The following RGS9 variants were observed in gnomAD, a reference collection of about 807,000 sequenced individuals.
RGS9 encodes regulator of G protein signaling 9, also known as regulator of G-protein signalling 9.
A neutral mutation model predicts 102.0 loss-of-function variants in RGS9; 78 were observed. The ratio of observed to expected loss-of-function variants is 0.76; its 90% CI spans 0.64 to 0.92. The LOEUF (loss-of-function observed/expected upper bound fraction) is 0.92, where lower values mean the gene tolerates loss of function less well. Among genes scored for constraint, RGS9 ranks in the 40% least tolerant of loss-of-function variants. The pLI is 0.00. For synonymous variants in RGS9, 353 were observed against 318.6 expected (o/e 1.11, Z -1.15); for missense variants, 833 against 866.1 (o/e 0.96, Z 0.48).
At chr17:65,198,380 C>T (rs896281836) in intron 13 of RGS9, among the ~76,000 whole-genome samples, 9 of 152,124 alleles carry the variant, frequency 5.9e-5, no homozygotes, top group Non-Finnish European at 1.3e-4. Flanking sequence ...CTCAGCCTCC[C>T]AAGTAGCTGG....
chr17:65,177,430 G>A (rs1312772007), intron 8 of RGS9, among the ~76,000 whole-genome samples: 3 of 151,684 alleles, frequency 2.0e-5, no homozygotes, highest in Non-Finnish European at 2.9e-5. Context: ...TATGGTGCTG[G>A]GGATGCCAAC....
At chr17:65,220,085 C>G (rs1913652439) in intron 17 of RGS9, among the ~76,000 whole-genome samples, 1 of 152,142 alleles carries the variant, frequency 6.6e-6, no homozygotes, top group Non-Finnish European at 1.5e-5. Flanking sequence ...TCCTCACCAT[C>G]ACCATCACCA....
chr17:65,200,410 T>C (rs1730789000), intron 13 of RGS9, among the ~76,000 whole-genome samples: 2 of 152,234 alleles, frequency 1.3e-5, no homozygotes, highest in South Asian at 2.1e-4. Flanking sequence ...CTTTTATCGA[T>C]GGACATCTGA....
At position 65,207,932 on chromosome 17, in the gene RGS9, C is replaced by T; in HGVS notation, c.1214C>T (p.Ala405Val). Residue 405 changes from alanine (A) to valine (V), a missense_variant, in exon 16 of 19, where the codon GCT becomes GTT. Physicochemically the swap from Ala to Val is moderately conservative, Grantham distance 64. Around this residue, in one of 3 missense-constraint regions of RGS9, gnomAD observed 185 missense variants for 248.7 expected, o/e 0.74. Transcript: ENST00000262406. ...TCTTGTTCCCACTAGGATTCTTATG[C>T]TCGCTATTTAAAATCTCCGATCTAT... ...IYMLMKKDSY[A>V]RYLKSPIYKD... 6.2e-7 allele frequency: 1 copy of T among 1,611,224 alleles called. No individual in the cohort carries two copies. The highest frequency in any genetic ancestry group is 2.2e-5 in the East Asian group (1 of 44,874).
intron 11 of RGS9, 58 bp from the exon 12 acceptor site, chr17:65,193,484 AT>A (rs1441617417): frequency 1.6e-5 from 16 of 1,026,862 alleles, no homozygotes; most frequent in Non-Finnish European, 2.5e-5. Flanking sequence ...TGACCTGTGT[AT>A]TGATGTCATA....
chr17:65,208,435 G>A (rs1332364171), intron 16 of RGS9, among the ~76,000 whole-genome samples: 1 of 152,148 alleles, frequency 6.6e-6, no homozygotes, highest in Non-Finnish European at 1.5e-5. Flanking sequence ...CTCAGTGAAG[G>A]GGAAACGGAC....
chr17:65,147,385 T>C (rs1360631840), intron 1 of RGS9, among the ~76,000 whole-genome samples: 1 of 151,890 alleles, frequency 6.6e-6, no homozygotes, highest in African/African-American at 2.4e-5. Context: ...AAATGCTGGT[T>C]TAGCAATAAA....
intron 17 of RGS9, among the ~76,000 whole-genome samples, chr17:65,223,957 A>G (rs1055361109): frequency 6.7e-6 from 1 of 149,706 alleles, no homozygotes; most frequent in Non-Finnish European, 1.5e-5. Context: ...GGGTTTCTTC[A>G]TGTTGGCCAG....
At chr17:65,167,457 C>T (rs1309953464) in intron 7 of RGS9, among the ~76,000 whole-genome samples, 1 of 152,122 alleles carries the variant, frequency 6.6e-6, no homozygotes, top group African/African-American at 2.4e-5. Flanking sequence ...CCACCTCAGC[C>T]TCCCAAAGTG....
Position 65,225,025 on chromosome 17 carries a change from C to T in RGS9, c.1431C>T (p.Ser477=), listed in dbSNP as rs1237087930. Residue 477 remains serine (S), a synonymous_variant, in exon 18 of 19, where the codon AGC becomes AGT. Coordinates refer to ENST00000262406, the MANE Select transcript of RGS9 (RefSeq NM_003835.4). ...ITQPGQHMAP[S]PHLTVYTGTC... ...AGCCGGGCCAGCACATGGCTCCCAG[C>T]CCCCATCTGACCGTGTACACCGGGA... 3.1e-6 allele frequency: 5 copies of T among 1,613,934 alleles called. No homozygotes were observed. Among genetic ancestry groups the T allele is most frequent in the East Asian group, 2.2e-5 (1 of 44,874 alleles).
chr17:65,137,546 A>G lies in RGS9; in HGVS notation c.6A>G (p.Thr2=). The G allele has an allele frequency of 6.2e-7, 1 of 1,612,332 alleles. No individual in the cohort carries two copies. The highest frequency in any genetic ancestry group is 8.5e-7 in the Non-Finnish European group (1 of 1,179,980). Residue 2 remains threonine, a synonymous_variant, in exon 1 of 19, where the codon ACA becomes ACG. Coordinates refer to ENST00000262406, the MANE Select transcript of RGS9 (RefSeq NM_003835.4). ...GAATCCATCCAGGGGCCAGGATGAC[A>G]ATCCGACACCAAGGCCAGCAGTACA... M[T]IRHQGQQYRP...
At chr17:65,137,655 G>A in intron 1 of RGS9, 58 bp downstream of exon 1, 1 of 1,568,926 alleles carries the variant, frequency 6.4e-7, no homozygotes. Context: ...CATCTGCGAA[G>A]CGTCCGAGGA....
chr17:65,210,357 T>G, intron 16 of RGS9, 131 bp from the exon 17 acceptor site: 1 of 1,151,982 alleles, frequency 8.7e-7, no homozygotes, highest in Non-Finnish European at 1.3e-6. Context: ...CACTGGAGGT[T>G]CACTGGAAAA....
intron 1 of RGS9, among the ~76,000 whole-genome samples, chr17:65,139,110 CCACCCCACCT>C (rs1910046343): frequency 1.2e-4 from 1 of 8,246 alleles, no homozygotes; most frequent in Non-Finnish European, 2.2e-3. Context: ...TCTCCCCCCT[CCACCCCACCT>C]TTCCCTCCTC....
At chr17:65,202,185 G>T in intron 14 of RGS9, 105 bp downstream of exon 14, 1 of 774,800 alleles carries the variant, frequency 1.3e-6, no homozygotes, top group Admixed American at 1.9e-5. Context: ...CCTGGTAGCT[G>T]GCTGGGCCCT....
chr17:65,193,789 A>G (rs936702388), intron 12 of RGS9, 133 bp downstream of exon 12: 6 of 671,274 alleles, frequency 8.9e-6, no homozygotes, highest in African/African-American at 1.8e-5. Flanking sequence ...ATCAATTTTA[A>G]AACATGTTCA....
chr17:65,222,195 G>A (rs372704337), intron 17 of RGS9, among the ~76,000 whole-genome samples: 2 of 152,152 alleles, frequency 1.3e-5, no homozygotes, highest in South Asian at 2.1e-4. Context: ...TCCTTGAGAT[G>A]TGCCCCCTCC....
At chr17:65,138,307 G>A (rs1909990131) in intron 1 of RGS9, among the ~76,000 whole-genome samples, 1 of 152,122 alleles carries the variant, frequency 6.6e-6, no homozygotes. Flanking sequence ...AGAGGATTAG[G>A]TCCCGGGTCA....
chr17:65,171,963 C>T (rs759160254), intron 8 of RGS9, among the ~76,000 whole-genome samples: 11 of 152,192 alleles, frequency 7.2e-5, no homozygotes, highest in African/African-American at 2.4e-4. Context: ...TGCTTCCTGG[C>T]GGTGGGTGTG....
Sources: gnomAD v4.1 joint callset for allele counts (sites outside exome capture counted in the v4.1 genomes callset) on GRCh38, gnomAD v4.1.1 for gene constraint, gnomAD v4.1.1 regional missense constraint, MANE v1.5 for transcripts, NCBI Gene and HGNC (gene_info 2026-07-23, HGNC 2026-07-21) for gene names.